The following PPIL1 variants were observed in gnomAD, a reference collection of about 807,000 sequenced individuals.
PPIL1 encodes the protein peptidylprolyl isomerase like 1, also known as peptidyl-prolyl cis-trans isomerase-like 1.
A neutral mutation model predicts 19.4 loss-of-function variants in PPIL1; 14 were observed. The ratio of observed to expected loss-of-function variants is 0.72; its 90% CI spans 0.48 to 1.13. PPIL1 has a LOEUF of 1.13. PPIL1 is among the 50% of genes most tolerant of loss of function. The pLI, the probability that PPIL1 is intolerant of heterozygous loss-of-function variation, is 0.00. For missense variants in PPIL1, 192 were observed against 218.0 expected (o/e 0.88, Z 0.75); for synonymous variants, 72 against 73.6 (o/e 0.98, Z 0.11).
At chr6:36,874,668 C>T (rs371206519) in intron 1 of PPIL1, 49 bp downstream of exon 1, 5 of 1,602,412 alleles carry the variant, frequency 3.1e-6, no homozygotes, top group Non-Finnish European at 4.3e-6. Context: ...GTGGTGAGGC[C>T]CGGGCTCCGC....
Position 36,871,584 on chromosome 6 carries a change from A to G in PPIL1, c.211+134T>C, listed in dbSNP as rs2150660744. The G allele has an allele frequency of 5.5e-6, 6 of 1,095,086 alleles. No homozygotes were observed. The South Asian group carries it at 6.3e-5, about 12-fold the overall frequency. The allele number at this position is 1,095,086 out of a possible 1,614,324, so 67.8% of individuals were successfully genotyped here. A position where few individuals can be genotyped will look rare whatever the true frequency, so the allele number is the denominator to read the frequency against. On this transcript the variant is annotated intron_variant, in intron 2 of 3. Transcript: ENST00000373699. ...GAATCAACCAACACAGACCTTAGTA[A>G]GTGGAAAAGAGAGCTCTGGCTGCCT...
At chr6:36,856,765 AG>A in intron 2 of PPIL1, 111 bp from the exon 3 acceptor site, 2 of 893,084 alleles carry the variant, frequency 2.2e-6, no homozygotes, top group Non-Finnish European at 3.7e-6. Flanking sequence ...AGGAAAAGGC[AG>A]TGACACCTAC....
Position 36,855,788 on chromosome 6 carries a change from A to C in PPIL1, c.*25T>G. On this transcript the variant is annotated 3_prime_UTR_variant, in exon 4 of 4. Transcript: ENST00000373699. ...GCTGGTTCACTGGGGCCATCTCAGA[A>C]GAGCTGCTCAAGAGGGTAGCAAGTC... is the stretch of plus-strand genomic sequence containing the variant. 5 of 1,604,534 alleles carry C rather than the reference A, an allele frequency of 3.1e-6. No individual in the cohort carries two copies. The highest frequency in any genetic ancestry group is 4.3e-6 in the Non-Finnish European group (5 of 1,171,356).
rs116622182 is a variant in PPIL1, at chr6:36,855,512, C to T, written c.*301G>A. The T allele has an allele frequency of 2.8e-3, 1,011 of 355,576 alleles. 10 individuals carry two copies. The highest frequency in any genetic ancestry group is 0.017 in the African/African-American group (829 of 48,312). The allele number at this position is 355,576 out of a possible 1,614,324, so 22.0% of individuals were successfully genotyped here. A position where few individuals can be genotyped will look rare whatever the true frequency, so the allele number is the denominator to read the frequency against. On this transcript the variant is annotated 3_prime_UTR_variant, in exon 4 of 4. Coordinates refer to ENST00000373699, the MANE Select transcript of PPIL1 (RefSeq NM_016059.5). The stretch of plus-strand genomic sequence containing the variant: ...AAATGACAGTGGCTGCTACATTGTT[C>T]GACGTATATCAGAGCAGACATGCAC...
At chr6:36,857,318 C>T (rs77215920) in intron 2 of PPIL1, among the ~76,000 whole-genome samples, 1,866 of 152,236 alleles carry the variant, frequency 0.012, 47 homozygotes, top group African/African-American at 0.043. Flanking sequence ...AGGGACATTA[C>T]GGTCGGCAGA....
In PPIL1 at chr6:36,871,724, C is replaced by A; in HGVS notation, c.205G>T (p.Gly69Trp). Reference protein sequence around the residue: ...DFMIQGGDPTGTGRGGASIYG... With the variant: ...DFMIQGGDPTWTGRGGASIYG... ...AATGTTGGCTTAACTGTACCTGTCC[C>A]TGTTGGGTCACCTCCTTGGATCATG... The change falls in exon 2 of 4, where the codon GGG becomes TGG. Residue 69 changes from glycine (G) to tryptophan (W), a missense_variant. Transcript: ENST00000373699. 1.2e-6 allele frequency: 2 copies of A among 1,605,392 alleles called. No individual in the cohort carries two copies. Among genetic ancestry groups the A allele is most frequent in the Admixed American group, 1.7e-5 (1 of 58,364 alleles).
At position 36,855,582 on chromosome 6, in the gene PPIL1, G is replaced by A. The variant is rs1774149014; in HGVS notation, c.*231C>T. On this transcript the variant is annotated 3_prime_UTR_variant, in exon 4 of 4. Transcript: ENST00000373699. ...CATGTGTAGTAAGTAGTCACCTATTGATAAACAGGGGCATTTGTGCAAATG... is the reference window on the plus strand; with the variant it reads ...CATGTGTAGTAAGTAGTCACCTATTAATAAACAGGGGCATTTGTGCAAATG... 12 of 555,180 alleles carry A rather than the reference G, an allele frequency of 2.2e-5. No individual in the cohort carries two copies. The highest frequency in any genetic ancestry group is 4.9e-4 in the Middle Eastern group (1 of 2,058). 34.4% of individuals were successfully genotyped at this position (555,180 alleles called of 1,614,324 possible). A position where few individuals can be genotyped will look rare whatever the true frequency, so the allele number is the denominator to read the frequency against.
At position 36,869,751 on chromosome 6, in the gene PPIL1, C is replaced by T. The variant is rs199882779; in HGVS notation, c.211+1967G>A. Among the ~76,000 whole-genome samples the T allele has an allele frequency of 1.4e-4, 22 of 152,144 alleles. No individual in the cohort carries two copies. The South Asian group carries it at 3.7e-3, about 26-fold the overall frequency. On this transcript the variant is annotated intron_variant, in intron 2 of 3. Coordinates refer to ENST00000373699, the MANE Select transcript of PPIL1 (RefSeq NM_016059.5). ...TAAAACTAACAACAAAAATTAAGGT[C>T]GGGGAAAAATAAGAATGGGTAGAAA... is the stretch of plus-strand genomic sequence containing the variant.
chr6:36,856,103 A>G (rs953888780), intron 3 of PPIL1, 70 bp from the exon 4 acceptor site: 3 of 1,488,036 alleles, frequency 2.0e-6, no homozygotes, highest in Non-Finnish European at 1.8e-6. Flanking sequence ...CTGCTGCCCC[A>G]TCCTAGGGAT....
At chr6:36,865,235 C>A (rs1464240676) in intron 2 of PPIL1, among the ~76,000 whole-genome samples, 3 of 152,194 alleles carry the variant, frequency 2.0e-5, no homozygotes, top group Non-Finnish European at 4.4e-5. Flanking sequence ...TTGCCATAGT[C>A]CACAGCTGGA....
intron 2 of PPIL1, among the ~76,000 whole-genome samples, chr6:36,859,067 G>T (rs1774225150): frequency 6.6e-6 from 1 of 152,134 alleles, no homozygotes; most frequent in South Asian, 2.1e-4. Flanking sequence ...CTGCCCTCTA[G>T]GAATGGTAAA....
rs376493162 is a variant in PPIL1, at chr6:36,863,268, G to A, written c.212-6614C>T. 2.6e-5 allele frequency among the ~76,000 whole-genome samples: 4 copies of A among 152,220 alleles called. No homozygotes were observed. The East Asian group carries it at 5.8e-4, about 22-fold the overall frequency. ...GTCCTCAAATTTCCACCACTCCCTC[G>A]CTGCTGCTCACTCTTTGAGGAGAAC... On this transcript the variant is annotated intron_variant, in intron 2 of 3. Coordinates refer to ENST00000373699, the MANE Select transcript of PPIL1 (RefSeq NM_016059.5).
At chr6:36,872,920 T>C (rs886375851) in intron 1 of PPIL1, among the ~76,000 whole-genome samples, 2 of 152,234 alleles carry the variant, frequency 1.3e-5, no homozygotes, top group South Asian at 2.1e-4. Flanking sequence ...GATGTGAGAA[T>C]TGAGTCAACT....
intron 2 of PPIL1, among the ~76,000 whole-genome samples, chr6:36,869,680 AC>A: frequency 6.6e-6 from 1 of 152,200 alleles, no homozygotes; most frequent in East Asian, 1.9e-4. Flanking sequence ...GAAACGTAGG[AC>A]CCACACTGTA....
intron 2 of PPIL1, among the ~76,000 whole-genome samples, chr6:36,862,136 C>A (rs769868637): frequency 2.0e-5 from 3 of 152,238 alleles, no homozygotes; most frequent in African/African-American, 4.8e-5. Context: ...GTGTCTTACA[C>A]CAAGATGACC....
Position 36,854,841 on chromosome 6 carries a change from A to T in PPIL1, c.*972T>A, listed in dbSNP as rs945569765. The T allele has an allele frequency of 6.6e-6, 1 of 152,652 alleles. No homozygotes were observed. Among genetic ancestry groups the T allele is most frequent in the Non-Finnish European group, 1.5e-5 (1 of 68,036 alleles). 9.5% of individuals were successfully genotyped at this position (152,652 alleles called of 1,614,324 possible). A position where few individuals can be genotyped will look rare whatever the true frequency, so the allele number is the denominator to read the frequency against. Reference sequence around the variant, plus strand: ...ACCACAGCAGCAATTTCAACCATCAATGGCATTTTATTGTGGAAGTTTCTA... The same window carrying T: ...ACCACAGCAGCAATTTCAACCATCATTGGCATTTTATTGTGGAAGTTTCTA... On this transcript the variant is annotated 3_prime_UTR_variant, in exon 4 of 4. Coordinates refer to ENST00000373699, the MANE Select transcript of PPIL1 (RefSeq NM_016059.5).
intron 2 of PPIL1, among the ~76,000 whole-genome samples, chr6:36,862,512 T>C (rs1466991885): frequency 1.3e-5 from 2 of 152,212 alleles, no homozygotes; most frequent in Non-Finnish European, 2.9e-5. Context: ...GCTTTCCTGA[T>C]AAAAACAGAC....
In PPIL1 at chr6:36,872,664, G is replaced by A. The variant is rs371863590; in HGVS notation, c.57-792C>T. On this transcript the variant is annotated intron_variant, in intron 1 of 3. Coordinates refer to ENST00000373699, the MANE Select transcript of PPIL1 (RefSeq NM_016059.5). ...CCTCTGTCACCCAGGTTACAGTGCA[G>A]TGGCACAATCTCAGCTTATCGCAAC... is the stretch of plus-strand genomic sequence containing the variant. Among the ~76,000 whole-genome samples, 4 of 152,128 alleles carry A rather than the reference G, an allele frequency of 2.6e-5. No homozygotes were observed. In the East Asian group the frequency reaches 5.8e-4, roughly 22 times the overall value.
chr6:36,863,709 C>T (rs1265243721), intron 2 of PPIL1, among the ~76,000 whole-genome samples: 2 of 152,088 alleles, frequency 1.3e-5, no homozygotes, highest in African/African-American at 4.8e-5. Context: ...TTCAGACTTT[C>T]GCCCCTCACC....
Sources: allele counts gnomAD v4.1 joint callset (sites outside exome capture counted in the v4.1 genomes callset), GRCh38; gene constraint gnomAD v4.1.1; transcripts MANE v1.5; gene names NCBI Gene and HGNC (gene_info 2026-07-23, HGNC 2026-07-21).